The following PLCH2 variants were observed in gnomAD, a reference collection of about 807,000 sequenced individuals.
PLCH2 encodes phospholipase C eta 2.
In PLCH2, 98 loss-of-function variants were observed where a neutral mutation model predicts 134.7. That is an observed-to-expected ratio of 0.73 (90% CI 0.62 to 0.86). PLCH2 has a LOEUF of 0.86. Among genes scored for constraint, PLCH2 ranks in the 40% least tolerant of loss-of-function variants. PLCH2 has a pLI of 0.00. For synonymous variants in PLCH2, 974 were observed against 827.5 expected (o/e 1.18, Z -3.04); for missense variants, 1,994 against 1,986.6 (o/e 1.00, Z -0.07).
chr1:2,498,644 G>A lies in PLCH2; in HGVS notation c.2346G>A (p.Gly782=), dbSNP rs1006580807. 10 of 1,567,196 alleles carry A rather than the reference G, an allele frequency of 6.4e-6. No individual in the cohort carries two copies. In the African/African-American group the frequency reaches 1.1e-4, roughly 17 times the overall value. The change falls in exon 17 of 22, where the codon GGG becomes GGA. Residue 782 remains glycine, a synonymous_variant. Transcript: ENST00000378486. This position sits in a 1 kb window ranked among gnomAD's most constrained non-coding sequence, Gnocchi z 5.4. ...KPRDSMLGDR[G]EIIDPFVEVE... ...GCGACTCCATGCTGGGGGACCGTGG[G>A]GAGGTGGGGGCCAGCCCCACACAGG...
chr1:2,436,085 T>TC, intron 2 of PLCH2, among the ~76,000 whole-genome samples: 1 of 87,356 alleles, frequency 1.1e-5, no homozygotes, highest in African/African-American at 4.5e-5. Flanking sequence ...CTCTCCTCCC[T>TC]CTTCCCCTCC....
intron 2 of PLCH2, among the ~76,000 whole-genome samples, chr1:2,431,226 C>G (rs1350386288): frequency 1.3e-5 from 2 of 151,808 alleles, no homozygotes; most frequent in Non-Finnish European, 2.9e-5. Context: ...GCGGCCGCTC[C>G]CAGGCAAGAA....
At chr1:2,443,042 A>G (rs1639761385) in intron 2 of PLCH2, among the ~76,000 whole-genome samples, 1 of 152,194 alleles carries the variant, frequency 6.6e-6, no homozygotes, top group South Asian at 2.1e-4. Context: ...GGTCTGGAAC[A>G]GTGGAAGAGT....
chr1:2,446,224 C>G (rs1639937131), intron 2 of PLCH2, among the ~76,000 whole-genome samples: 1 of 152,248 alleles, frequency 6.6e-6, no homozygotes. Flanking sequence ...CGCTGCTGCC[C>G]ACTCTGGGGC....
At chr1:2,423,886 C>T (rs1173494186), upstream of PLCH2, among the ~76,000 whole-genome samples, 4 of 152,076 alleles carry the variant, frequency 2.6e-5, no homozygotes, top group East Asian at 1.9e-4. Context: ...CCCACCTCGT[C>T]GTGACGCTGC....
chr1:2,436,442 T>TTCCTCCC (rs1462216128), intron 2 of PLCH2, among the ~76,000 whole-genome samples: 1 of 24,510 alleles, frequency 4.1e-5, no homozygotes, highest in African/African-American at 3.0e-4. Flanking sequence ...CCCTCCTCCC[T>TTCCTCCC]TCCTCCCTTC....
chr1:2,489,146 G>A, intron 8 of PLCH2, 61 bp from the exon 9 acceptor site: 2 of 1,444,900 alleles, frequency 1.4e-6, no homozygotes, highest in Non-Finnish European at 1.9e-6. Context: ...TTGCAGAGGT[G>A]GGGCTTACCC....
At chr1:2,467,425 C>G (rs34349643), upstream of PLCH2, 45,721 of 378,200 alleles carry the variant, frequency 0.12, 2,918 homozygotes, top group East Asian at 0.23. Flanking sequence ...GCGGCGGCCC[C>G]GTCCCGCCTT....
chr1:2,498,959 G>A lies in PLCH2; in HGVS notation c.2435-125G>A. ...CAGTCCTGGGCGCCCTCCCCTCTAG[G>A]TGGGCAGTCCCGGAAGCAGCACCGG... is the stretch of plus-strand genomic sequence containing the variant. On this transcript the variant is annotated intron_variant, in intron 18 of 21. Coordinates refer to ENST00000378486, the MANE Select transcript of PLCH2 (RefSeq NM_014638.4). The surrounding 1 kb of genome is among the most constrained non-coding windows in gnomAD (Gnocchi z 5.4). The A allele has an allele frequency of 2.9e-6, 4 of 1,402,412 alleles. No individual in the cohort carries two copies. The South Asian group carries it at 5.1e-5, about 18-fold the overall frequency. 86.9% of individuals were successfully genotyped at this position (1,402,412 alleles called of 1,614,324 possible). A position where few individuals can be genotyped will look rare whatever the true frequency, so the allele number is the denominator to read the frequency against.
intron 21 of PLCH2, chr1:2,502,882 C>T (rs771289032): frequency 2.8e-6 from 2 of 717,196 alleles, no homozygotes; most frequent in Non-Finnish European, 2.6e-6. Flanking sequence ...TGGAGGAGAT[C>T]AGGAGTAAAT....
In PLCH2 at chr1:2,504,939, A is replaced by G; in HGVS notation, c.3977A>G (p.Glu1326Gly). The G allele has an allele frequency of 6.4e-7, 1 of 1,560,632 alleles. No homozygotes were observed. The change falls in exon 22 of 22, where the codon GAG (glutamate) becomes GGG (glycine). Residue 1326 changes from glutamate (E) to glycine (G), a missense_variant. This residue lies in a region of PLCH2 where 900 missense variants were observed against 752.3 expected (regional missense o/e 1.20). Transcript: ENST00000378486. ...CCCACCAGCCTGGGCCCGGCTGGGGAGGGGGTGGCAGGGGGCCCTGGTTTT... is the reference window on the plus strand; with the variant it reads ...CCCACCAGCCTGGGCCCGGCTGGGGGGGGGGTGGCAGGGGGCCCTGGTTTT... ...TSPTSLGPAG[E>G]GVAGGPGFVR...
At chr1:2,438,875 CA>C (rs1639557968) in intron 2 of PLCH2, among the ~76,000 whole-genome samples, 1 of 152,186 alleles carries the variant, frequency 6.6e-6, no homozygotes, top group East Asian at 1.9e-4. Flanking sequence ...GCAGCGTGTG[CA>C]GGGGGGAACC....
At chr1:2,502,719 G>A (rs1299060478) in intron 21 of PLCH2, 3 of 714,626 alleles carry the variant, frequency 4.2e-6, no homozygotes, top group Admixed American at 2.0e-5. Flanking sequence ...GGGGCCTGGA[G>A]GCAGGGTCCA....
upstream of PLCH2, among the ~76,000 whole-genome samples, chr1:2,474,395 AG>A (rs70956305): frequency 0.67 from 101,750 of 152,106 alleles, 34,397 homozygotes; most frequent in African/African-American, 0.77. Context: ...TGTGTCAGGA[AG>A]GGATTAGCCA....
At chr1:2,495,694 C>T (rs1642847413) in intron 13 of PLCH2, 124 bp downstream of exon 13, 3 of 643,316 alleles carry the variant, frequency 4.7e-6, no homozygotes, top group Non-Finnish European at 7.9e-6. Flanking sequence ...CCCTTCTTGG[C>T]CCCTGGAAGC....
intron 1 of PLCH2, 70 bp downstream of exon 1, chr1:2,476,782 G>A (rs1641652456): frequency 4.8e-6 from 7 of 1,460,766 alleles, no homozygotes; most frequent in Non-Finnish European, 6.4e-6. Flanking sequence ...GGTGGGGGCT[G>A]TTCCTGGAGG....
rs1311513296 is a variant in PLCH2, at chr1:2,436,495, TCC to T, written c.115+5867_115+5868del. The stretch of plus-strand genomic sequence containing the variant: ...CCTTCCTCCCTCCTCCCCTCCTCCC[TCC>T]TCCTCCTTTCCTCCTTCCTCCCTCC... On this transcript the variant is annotated intron_variant, in intron 2 of 3. Transcript: ENST00000609981. Among the ~76,000 whole-genome samples the T allele has an allele frequency of 2.1e-3, 46 of 21,756 alleles. 3 individuals carry two copies. Among genetic ancestry groups the T allele is most frequent in the African/African-American group, 0.014 (43 of 2,974 alleles). 14.3% of individuals were successfully genotyped at this position (21,756 alleles called of 152,430 possible).
chr1:2,451,813 C>A (rs755888068), intron 2 of PLCH2, among the ~76,000 whole-genome samples: 27 of 152,028 alleles, frequency 1.8e-4, no homozygotes, highest in East Asian at 3.9e-4. Context: ...GCCCCCACTG[C>A]GTCTGGGCTG....
chr1:2,499,637 C>G lies in PLCH2; in HGVS notation c.2582-4C>G. On this transcript the variant is annotated splice_region_variant and splice_polypyrimidine_tract_variant and intron_variant, in intron 19 of 21. Coordinates refer to ENST00000378486, the MANE Select transcript of PLCH2 (RefSeq NM_014638.4). ...CATGACCCTGCTGACCCACACTGCT[C>G]CAGGCTACAGACACGTGTACCTAGA... 1 of 1,596,218 alleles carries G rather than the reference C, an allele frequency of 6.3e-7. No individual in the cohort carries two copies. Among genetic ancestry groups the G allele is most frequent in the Non-Finnish European group, 8.5e-7 (1 of 1,171,640 alleles).
Sources: gnomAD v4.1 joint callset for allele counts (sites outside exome capture counted in the v4.1 genomes callset) on GRCh38, gnomAD v4.1.1 for gene constraint, gnomAD v4.1.1 regional missense constraint, Gnocchi (gnomAD v3.1) non-coding constraint, MANE v1.5 for transcripts, NCBI Gene and HGNC (gene_info 2026-07-23, HGNC 2026-07-21) for gene names.